NAV1: variants seen among roughly 807,000 people sequenced by gnomAD.
The protein encoded by NAV1 is neuron navigator 1, also known as pore membrane and/or filament interacting like protein 3.
NAV1 carries 18 observed loss-of-function variants against 175.2 expected under a neutral mutation model. The observed-to-expected ratio is 0.10, with a 90% CI of 0.07 to 0.15. The LOEUF is 0.15. NAV1 is among the 10% of genes least tolerant of loss of function. The pLI, the probability that NAV1 is intolerant of heterozygous loss-of-function variation, is 1.00. For missense variants in NAV1, 1,731 were observed against 2,436.6 expected, an observed-to-expected ratio of 0.71 and a Z score of 6.10; for synonymous variants, 897 against 978.7, an observed-to-expected ratio of 0.92 and a Z score of 1.56.
chr1:201,756,813 T>TTTCC (rs1235053367), intron 3 of NAV1, among the ~76,000 whole-genome samples: 8 of 2,406 alleles, frequency 3.3e-3, no homozygotes, highest in African/African-American at 6.2e-3. Context: ...TCTTTCCTTC[T>TTTCC]TTCTTTCTTT....
intron 3 of NAV1, among the ~76,000 whole-genome samples, chr1:201,744,041 T>C (rs1208022924): frequency 6.6e-6 from 1 of 151,800 alleles, no homozygotes; most frequent in African/African-American, 2.4e-5. Context: ...TGCACCACCA[T>C]GCCCAGCTAA....
At chr1:201,746,188 T>C (rs1483411717) in intron 3 of NAV1, among the ~76,000 whole-genome samples, 3 of 152,204 alleles carry the variant, frequency 2.0e-5, no homozygotes, top group African/African-American at 7.2e-5. Context: ...GGTGATAGTT[T>C]TGTCCAATTA....
At chr1:201,556,300 C>T (rs1323749871) in intron 1 of NAV1, among the ~76,000 whole-genome samples, 7 of 152,016 alleles carry the variant, frequency 4.6e-5, no homozygotes, top group Admixed American at 4.6e-4. Flanking sequence ...TGTCTGTAGT[C>T]CCAGCTACTC....
chr1:201,600,023 G>T (rs1345031829), intron 2 of NAV1, among the ~76,000 whole-genome samples: 3 of 152,180 alleles, frequency 2.0e-5, no homozygotes, highest in African/African-American at 7.2e-5. Flanking sequence ...CTTGGGCCCG[G>T]TTATCTGCCC....
At chr1:201,545,717 A>G (rs1011744442) in intron 1 of NAV1, among the ~76,000 whole-genome samples, 3 of 152,230 alleles carry the variant, frequency 2.0e-5, no homozygotes, top group African/African-American at 7.2e-5. Context: ...TCACCTATTT[A>G]TTATCAGATA....
intron 1 of NAV1, among the ~76,000 whole-genome samples, chr1:201,555,773 G>A (rs1202386906): frequency 2.0e-5 from 3 of 148,592 alleles, no homozygotes; most frequent in East Asian, 2.0e-4. Flanking sequence ...AGGTGTTTCC[G>A]AAAGAGAGGC....
In NAV1 at chr1:201,728,445, T is replaced by C. The variant is rs186478627; in HGVS notation, c.1226+9690T>C. Among the ~76,000 whole-genome samples the C allele has an allele frequency of 1.7e-3, 252 of 151,786 alleles. 1 individual carries two copies. Among genetic ancestry groups the C allele is most frequent in the African/African-American group, 5.6e-3 (232 of 41,402 alleles). ...CGCCTCTACTAAAAATACAAAAAAA[T>C]TAGCCTGGTGTCGTGGCAGGCTCCT... is the stretch of plus-strand genomic sequence containing the variant. On this transcript the variant is annotated intron_variant, in intron 3 of 29. Coordinates refer to ENST00000367296, the Ensembl canonical transcript of NAV1.
chr1:201,645,782 G>T (rs1020043604), upstream of NAV1, among the ~76,000 whole-genome samples: 4 of 152,188 alleles, frequency 2.6e-5, no homozygotes, highest in African/African-American at 9.7e-5. Context: ...GCAGAAAGAG[G>T]ATATAGAGAC....
chr1:201,730,465 C>T (rs190546964), intron 3 of NAV1, among the ~76,000 whole-genome samples: 1 of 152,138 alleles, frequency 6.6e-6, no homozygotes. Context: ...CCCTTGTGTC[C>T]CTGAAGCCTG....
intron 1 of NAV1, among the ~76,000 whole-genome samples, chr1:201,572,126 G>A (rs572926967): frequency 2.0e-5 from 3 of 152,284 alleles, no homozygotes; most frequent in African/African-American, 7.2e-5. Flanking sequence ...CACAGATTAA[G>A]GGAGAAGTTA....
exon 1 of NAV1, chr1:201,648,660 G>C (rs1402072029): frequency 7.2e-7 from 1 of 1,388,034 alleles, no homozygotes; most frequent in Non-Finnish European, 9.3e-7. Flanking sequence ...TGCGCTCCTC[G>C]CGGGCAGAAT....
In NAV1 at chr1:201,694,258, G is replaced by T. The variant is rs1404342948; in HGVS notation, c.758-18559G>T. ...GAACTCCCCCAGTTGGGGTGTAGAG[G>T]CATAGGGGAAGTCAAAGCAATGGCT... On this transcript the variant is annotated intron_variant, in intron 1 of 29. Transcript: ENST00000367296. This position sits in a 1 kb window ranked among gnomAD's most constrained non-coding sequence, Gnocchi z 4.2. Among the ~76,000 whole-genome samples the T allele has an allele frequency of 6.6e-6, 1 of 152,180 alleles. No homozygotes were observed. The highest frequency in any genetic ancestry group is 2.1e-4 in the South Asian group (1 of 4,832).
chr1:201,741,964 G>A (rs1412914856), intron 3 of NAV1, among the ~76,000 whole-genome samples: 1 of 152,184 alleles, frequency 6.6e-6, no homozygotes, highest in Admixed American at 6.5e-5. Flanking sequence ...AGGTTGAGGA[G>A]CAGGTCATGT....
intron 3 of NAV1, among the ~76,000 whole-genome samples, chr1:201,722,877 G>C (rs1320568505): frequency 6.6e-6 from 1 of 152,226 alleles, no homozygotes; most frequent in South Asian, 2.1e-4. Context: ...AGGCTGGGTT[G>C]GGTAGATCAC....
intron 3 of NAV1, among the ~76,000 whole-genome samples, chr1:201,763,805 A>C (rs1372968009): frequency 6.6e-6 from 1 of 152,198 alleles, no homozygotes; most frequent in South Asian, 2.1e-4. Context: ...TTAAGATCCC[A>C]ATAAAATATA....
upstream of NAV1, among the ~76,000 whole-genome samples, chr1:201,647,680 C>A (rs1487299049): frequency 1.3e-5 from 2 of 152,058 alleles, no homozygotes; most frequent in Non-Finnish European, 2.9e-5. Flanking sequence ...AGGAGGGCAA[C>A]CTTGAGCCTC....
intron 1 of NAV1, among the ~76,000 whole-genome samples, chr1:201,675,985 C>T (rs1411148432): frequency 6.6e-6 from 1 of 152,218 alleles, no homozygotes; most frequent in Non-Finnish European, 1.5e-5. Context: ...AAGCTCTTTT[C>T]ACTTCTAGTT....
intron 3 of NAV1, among the ~76,000 whole-genome samples, chr1:201,731,493 C>T (rs185679020): frequency 2.0e-5 from 3 of 152,270 alleles, no homozygotes; most frequent in Non-Finnish European, 2.9e-5. Flanking sequence ...AGCCTACCCC[C>T]CTTCTCCTTT....
chr1:201,826,411 T>C (rs1679675374), exon 30 of NAV1: 1 of 152,272 alleles, frequency 6.6e-6, no homozygotes. Flanking sequence ...TTTTTTGTTT[T>C]TGCTTTTTCT....
Sources: allele counts gnomAD v4.1 joint callset (sites outside exome capture counted in the v4.1 genomes callset), GRCh38; gene constraint gnomAD v4.1.1; non-coding constraint Gnocchi (gnomAD v3.1); transcripts MANE v1.5; gene names NCBI Gene and HGNC (gene_info 2026-07-23, HGNC 2026-07-21).